Variants in SPIN1 observed in about 807,000 individuals in gnomAD.
The protein encoded by SPIN1 is spindlin 1.
A neutral mutation model predicts 26.0 loss-of-function variants in SPIN1; 3 were observed. The observed-to-expected ratio is 0.12, with a 90% confidence interval of 0.05 to 0.30. SPIN1 has a LOEUF of 0.30. SPIN1 is among the 10% of genes least tolerant of loss of function. The probability of loss-of-function intolerance (pLI) is 1.00; values close to 1 mark genes in which losing one functional copy is unlikely to be tolerated. For missense variants in SPIN1, 126 were observed against 333.4 expected (o/e 0.38, Z 4.84); for synonymous variants, 101 against 116.5 (o/e 0.87, Z 0.86).
chr9:88,458,801 AAG>A (rs1185621201), intron 3 of SPIN1, among the ~76,000 whole-genome samples: 1 of 152,158 alleles, frequency 6.6e-6, no homozygotes, highest in Non-Finnish European at 1.5e-5. Flanking sequence ...GGAAGAGTTG[AAG>A]CTGCAGCACA....
chr9:88,434,506 G>A (rs1470710789), intron 2 of SPIN1, among the ~76,000 whole-genome samples: 8 of 151,854 alleles, frequency 5.3e-5, no homozygotes, highest in African/African-American at 1.9e-4. Context: ...CCACTGGAAA[G>A]TCAGTGATGG....
chr9:88,474,962 C>A (rs564173818), intron 5 of SPIN1, 116 bp from the exon 6 acceptor site: 1 of 981,732 alleles, frequency 1.0e-6, no homozygotes. Context: ...TGAATTCAGG[C>A]TATTAAAATT....
At chr9:88,393,225 A>G (rs554387092) in intron 1 of SPIN1, among the ~76,000 whole-genome samples, 2 of 151,844 alleles carry the variant, frequency 1.3e-5, no homozygotes, top group Admixed American at 1.3e-4. Flanking sequence ...ATACATGAAA[A>G]GACTAGTAAG....
intron 2 of SPIN1, among the ~76,000 whole-genome samples, chr9:88,437,578 G>A (rs1282000261): frequency 6.6e-6 from 1 of 152,016 alleles, no homozygotes; most frequent in Non-Finnish European, 1.5e-5. Flanking sequence ...TTTGTGCAGG[G>A]ATATTTTCAA....
chr9:88,443,129 A>C (rs1040500914), intron 2 of SPIN1, among the ~76,000 whole-genome samples: 5 of 151,764 alleles, frequency 3.3e-5, no homozygotes, highest in Non-Finnish European at 7.4e-5. Context: ...CAAAAAAAAA[A>C]AAAAACAAAA....
Position 88,441,002 on chromosome 9 carries a change from A to G in SPIN1, c.53-7939A>G, listed in dbSNP as rs546491255. Among the ~76,000 whole-genome samples the G allele has an allele frequency of 2.0e-5, 3 of 151,702 alleles. No homozygotes were observed. The East Asian group carries it at 5.8e-4, about 29-fold the overall frequency. The stretch of plus-strand genomic sequence containing the variant: ...TATTGCTTTAGGGGTAGTGCCACGT[A>G]CTTTATGACAATAAAATTTAGTTGG... On this transcript the variant is annotated intron_variant, in intron 2 of 5. Coordinates refer to ENST00000375859, the MANE Select transcript of SPIN1 (RefSeq NM_006717.3).
intron 1 of SPIN1, among the ~76,000 whole-genome samples, chr9:88,416,917 C>T (rs1182954945): frequency 6.6e-6 from 1 of 152,174 alleles, no homozygotes; most frequent in Non-Finnish European, 1.5e-5. Flanking sequence ...GCCATCGCGC[C>T]CAGCCTTGAA....
At chr9:88,472,921 C>A (rs1334231673) in intron 5 of SPIN1, among the ~76,000 whole-genome samples, 1 of 152,198 alleles carries the variant, frequency 6.6e-6, no homozygotes, top group African/African-American at 2.4e-5. Flanking sequence ...AGTGGCCTTT[C>A]TTCAAACACA....
intron 1 of SPIN1, among the ~76,000 whole-genome samples, 200 bp downstream of exon 1, chr9:88,388,738 T>C (rs1447946476): frequency 1.4e-5 from 2 of 147,924 alleles, no homozygotes; most frequent in East Asian, 4.0e-4. Context: ...GGCCTGGGCC[T>C]CGGGGCGGGC....
intron 1 of SPIN1, among the ~76,000 whole-genome samples, chr9:88,389,119 G>A (rs1309177281): frequency 6.6e-6 from 1 of 152,136 alleles, no homozygotes. Context: ...GACCTTGTAA[G>A]TTGCAGGCTC....
intron 3 of SPIN1, among the ~76,000 whole-genome samples, chr9:88,451,972 A>G (rs112240720): frequency 3.3e-5 from 5 of 152,284 alleles, no homozygotes; most frequent in African/African-American, 7.2e-5. Flanking sequence ...CCCTCCTGCA[A>G]TTTGAACAGG....
intron 1 of SPIN1, among the ~76,000 whole-genome samples, chr9:88,425,190 G>A (rs899515846): frequency 2.0e-5 from 3 of 152,098 alleles, no homozygotes; most frequent in Non-Finnish European, 4.4e-5. Flanking sequence ...CATTAGATAG[G>A]TCTGAGTGGG....
chr9:88,418,898 G>A (rs1385316071), intron 1 of SPIN1: 1 of 152,172 alleles, frequency 6.6e-6, no homozygotes, highest in Non-Finnish European at 1.5e-5. Flanking sequence ...CTTCCTCATG[G>A]TTGTGAGGAG....
Position 88,462,741 on chromosome 9 carries a change from A to C in SPIN1, c.347A>C (p.Asp116Ala). Reference protein sequence around the residue: ...ERVSALEVLPDRVATSRISDA... With the variant: ...ERVSALEVLPARVATSRISDA... ...GTTTCTGCGCTTGAAGTCCTCCCTGATAGAGTTGGTAAGTTCTTTTTATAA... is the reference window on the plus strand; with the variant it reads ...GTTTCTGCGCTTGAAGTCCTCCCTGCTAGAGTTGGTAAGTTCTTTTTATAA... The change falls in exon 4 of 6, where the codon GAT becomes GCT. Residue 116 changes from aspartate (D) to alanine (A), a missense_variant. Around this residue, in one of 7 missense-constraint regions of SPIN1, gnomAD observed 23 missense variants for 43.0 expected, o/e 0.54. Transcript: ENST00000375859. The C allele has an allele frequency of 6.2e-7, 1 of 1,609,138 alleles. No homozygotes were observed. The highest frequency in any genetic ancestry group is 8.5e-7 in the Non-Finnish European group (1 of 1,177,554).
At chr9:88,422,148 C>CGAA (rs1236526519) in intron 1 of SPIN1, among the ~76,000 whole-genome samples, 1 of 152,142 alleles carries the variant, frequency 6.6e-6, no homozygotes, top group Non-Finnish European at 1.5e-5. Flanking sequence ...TTATTGTTCT[C>CGAA]CAGCAACCTT....
chr9:88,422,987 G>T (rs904587619), intron 1 of SPIN1, among the ~76,000 whole-genome samples: 4 of 151,908 alleles, frequency 2.6e-5, no homozygotes, highest in Non-Finnish European at 5.9e-5. Flanking sequence ...GGGATTACAG[G>T]CGTGAGCCAC....
At chr9:88,444,310 G>A (rs1191970549) in intron 2 of SPIN1, among the ~76,000 whole-genome samples, 2 of 148,054 alleles carry the variant, frequency 1.4e-5, no homozygotes, top group Admixed American at 6.8e-5. Context: ...GCGGGATCGC[G>A]GCTCACTGCA....
At chr9:88,459,153 C>CCTTA (rs2118175996) in intron 3 of SPIN1, among the ~76,000 whole-genome samples, 1 of 152,304 alleles carries the variant, frequency 6.6e-6, no homozygotes, top group African/African-American at 2.4e-5. Context: ...TGGGAACTAA[C>CCTTA]CTTAGCCTTT....
intron 2 of SPIN1, among the ~76,000 whole-genome samples, chr9:88,442,071 C>T (rs1828145801): frequency 6.6e-6 from 1 of 151,022 alleles, no homozygotes; most frequent in Non-Finnish European, 1.5e-5. Context: ...CCTGCCTCAG[C>T]CTCCCAAGTA....
Sources: gnomAD v4.1 joint callset for allele counts (sites outside exome capture counted in the v4.1 genomes callset) on GRCh38, gnomAD v4.1.1 for gene constraint, gnomAD v4.1.1 regional missense constraint, MANE v1.5 for transcripts, NCBI Gene and HGNC (gene_info 2026-07-23, HGNC 2026-07-21) for gene names.